Variants in UNKL observed in about 807,000 individuals in gnomAD.
The protein encoded by UNKL is putative E3 ubiquitin-protein ligase UNKL.
UNKL carries 60 observed loss-of-function variants against 78.0 expected under a neutral mutation model. The ratio of observed to expected loss-of-function variants is 0.77; its 90% CI spans 0.63 to 0.95. The LOEUF is 0.95. Ranked by LOEUF, UNKL falls within the 40% of genes least tolerant of loss-of-function variation. UNKL has a pLI of 0.00. For synonymous variants in UNKL, 608 were observed against 474.8 expected (o/e 1.28, Z -3.65); for missense variants, 1,159 against 1,045.7 (o/e 1.11, Z -1.49).
Position 1,414,672 on chromosome 16 carries a change from G to C in UNKL, c.20C>G (p.Ala7Gly). The C allele has an allele frequency of 3.5e-6, 4 of 1,152,288 alleles. No individual in the cohort carries two copies. The highest frequency in any genetic ancestry group is 4.3e-6 in the Non-Finnish European group (4 of 924,066). The allele number at this position is 1,152,288 out of a possible 1,614,324, so 71.4% of individuals were successfully genotyped here. A position where few individuals can be genotyped will look rare whatever the true frequency, so the allele number is the denominator to read the frequency against. The change falls in exon 1 of 15, where the codon GCG becomes GGG. Residue 7 changes from alanine (A) to glycine (G), a missense_variant. Physicochemically the swap from Ala to Gly is moderately conservative, Grantham distance 60. Coordinates refer to ENST00000389221, the MANE Select transcript of UNKL (RefSeq NM_001372107.1). MPSVSK[A>G]AAAALSGSPP... The stretch of plus-strand genomic sequence containing the variant: ...GGACCCGCTCAGCGCCGCTGCCGCC[G>C]CTTTCGAAACCGACGGCATTTTCAG...
rs950213186 is a variant in UNKL at position 1,397,168 on chromosome 16, A to G, written c.852+10T>C. ...GCGACCCCTACGCCTGGGGGGTTGGAGGGACGTACCTCGGGATGGAACTGC... is the reference window on the plus strand; with the variant it reads ...GCGACCCCTACGCCTGGGGGGTTGGGGGGACGTACCTCGGGATGGAACTGC... On this transcript the variant is annotated intron_variant, in intron 6 of 14. Transcript: ENST00000389221. 7.1e-6 allele frequency: 11 copies of G among 1,546,956 alleles called. No homozygotes were observed. The African/African-American group carries it at 1.5e-4, about 21-fold the overall frequency.
chr16:1,368,157 A>C (rs2035464084), intron 12 of UNKL: 1 of 451,696 alleles, frequency 2.2e-6, no homozygotes, highest in Non-Finnish European at 4.0e-6. Flanking sequence ...GGACCACACC[A>C]TGAGGTGGGA....
intron 10 of UNKL, among the ~76,000 whole-genome samples, chr16:1,384,863 C>T (rs1225984837): frequency 1.3e-5 from 2 of 152,142 alleles, no homozygotes. Context: ...CCTCCCACAG[C>T]GCTGGGAGCA....
At chr16:1,404,379 G>A (rs891805222) in intron 2 of UNKL, among the ~76,000 whole-genome samples, 1 of 152,210 alleles carries the variant, frequency 6.6e-6, no homozygotes, top group African/African-American at 2.4e-5. Context: ...GACCAAGAGC[G>A]ATTCAGCAAC....
chr16:1,411,162 G>A (rs1267797642), intron 2 of UNKL, among the ~76,000 whole-genome samples: 1 of 152,094 alleles, frequency 6.6e-6, no homozygotes, highest in Non-Finnish European at 1.5e-5. Flanking sequence ...ACTGAGACCA[G>A]CCTGGACAAT....
intron 10 of UNKL, among the ~76,000 whole-genome samples, chr16:1,382,128 C>T (rs2036626754): frequency 2.0e-5 from 3 of 152,226 alleles, no homozygotes; most frequent in Admixed American, 2.0e-4. Context: ...AAACTGAAAA[C>T]ACATGTGGGC....
chr16:1,388,767 C>T (rs1274093556), intron 9 of UNKL, among the ~76,000 whole-genome samples: 2 of 151,378 alleles, frequency 1.3e-5, no homozygotes, highest in African/African-American at 4.9e-5. Context: ...GCCACACCTC[C>T]GCTACCACCA....
intron 10 of UNKL, among the ~76,000 whole-genome samples, chr16:1,372,076 GAA>G (rs988156617): frequency 2.2e-5 from 3 of 136,152 alleles, no homozygotes; most frequent in Non-Finnish European, 4.7e-5. Flanking sequence ...CTAACACGGT[GAA>G]ACCCCGTCTC....
Position 1,366,182 on chromosome 16 carries a change from G to T in UNKL, c.*58C>A, listed in dbSNP as rs111999344. The T allele has an allele frequency of 8.7e-5, 125 of 1,429,816 alleles. No individual in the cohort carries two copies. The African/African-American group carries it at 1.7e-3, about 19-fold the overall frequency. The allele number at this position is 1,429,816 out of a possible 1,614,324, so 88.6% of individuals were successfully genotyped here. On this transcript the variant is annotated 3_prime_UTR_variant, in exon 15 of 15. Coordinates refer to ENST00000389221, the MANE Select transcript of UNKL (RefSeq NM_001372107.1). ...CAGAAGCGAGTGACGACATGTCCGT[G>T]GTCAGGAGGAGCGCTGGAGCCAGGG...
At chr16:1,413,228 A>G (rs2038122338) in intron 2 of UNKL, among the ~76,000 whole-genome samples, 1 of 121,978 alleles carries the variant, frequency 8.2e-6, no homozygotes, top group East Asian at 2.5e-4. Flanking sequence ...CCAGCGACAG[A>G]GCAAGACCCT....
In UNKL at chr16:1,403,292, G is replaced by C; in HGVS notation, c.340C>G (p.Arg114Gly). 1 of 1,614,202 alleles carries C rather than the reference G, an allele frequency of 6.2e-7. No individual in the cohort carries two copies. Among genetic ancestry groups the C allele is most frequent in the Non-Finnish European group, 8.5e-7 (1 of 1,180,022 alleles). ...ATGCAGGTTCCTGTTTTGTAGTAAC[G>C]CAGGTGGTACTTGCGTTCTGTGTCC... ...TGDTERKYHLRYYKTGTCIHE... is the reference protein window; with the variant it reads ...TGDTERKYHLGYYKTGTCIHE... The change falls in exon 3 of 15, where the codon CGT (arginine) becomes GGT (glycine). Residue 114 changes from arginine to glycine, a missense_variant. Transcript: ENST00000389221. The surrounding 1 kb of genome is among the most constrained non-coding windows in gnomAD (Gnocchi z 4.8).
At chr16:1,385,555 C>T (rs2036780086) in intron 9 of UNKL, 170 bp from the exon 10 acceptor site, 11 of 578,568 alleles carry the variant, frequency 1.9e-5, no homozygotes, top group Non-Finnish European at 2.3e-5. Context: ...CGAGGAGAAA[C>T]ACCAGGACGG....
At chr16:1,397,153 C>G (rs372559366) in intron 6 of UNKL, 25 bp downstream of exon 6, 1 of 1,544,094 alleles carries the variant, frequency 6.5e-7, no homozygotes, top group Non-Finnish European at 8.7e-7. Context: ...GCGACCCCTA[C>G]GCCTGGGGGG....
In UNKL at chr16:1,414,627, G is replaced by C; in HGVS notation, c.65C>G (p.Pro22Arg). The change falls in exon 1 of 15, where the codon CCG becomes CGG. Residue 22 changes from proline to arginine, a missense_variant. Pro to Arg is a moderately radical substitution (Grantham distance 103). Coordinates refer to ENST00000389221, the MANE Select transcript of UNKL (RefSeq NM_001372107.1). ...LSGSPPQTEK[P>R]THYRYLKEFR... ...GACGGGCGCTGACCTGTAGTGGGTC[G>C]GCTTCTCAGTCTGCGGGGGGGACCC... 2 of 1,110,298 alleles carry C rather than the reference G, an allele frequency of 1.8e-6. No individual in the cohort carries two copies. The highest frequency in any genetic ancestry group is 1.7e-5 in the African/African-American group (1 of 58,762). The allele number at this position is 1,110,298 out of a possible 1,614,324, so 68.8% of individuals were successfully genotyped here.
At chr16:1,391,260 ACACACACACAC>A (rs768854011) in intron 8 of UNKL, among the ~76,000 whole-genome samples, 1 of 150,080 alleles carries the variant, frequency 6.7e-6, no homozygotes, top group East Asian at 2.0e-4. Flanking sequence ...ACACACACAC[ACACACACACAC>A]ACACACACAC....
At chr16:1,391,167 A>T (rs934451302) in intron 8 of UNKL, among the ~76,000 whole-genome samples, 68 of 28,984 alleles carry the variant, frequency 2.3e-3, no homozygotes, top group Admixed American at 7.1e-3. Flanking sequence ...AAATACACAC[A>T]CACACACACA....
At position 1,370,259 on chromosome 16, in the gene UNKL, G is replaced by C. The variant is rs1008470491; in HGVS notation, c.1456C>G (p.Leu486Val). The C allele has an allele frequency of 3.8e-5, 59 of 1,534,510 alleles. No individual in the cohort carries two copies. The highest frequency in any genetic ancestry group is 5.0e-5 in the Non-Finnish European group (57 of 1,143,940). ...HSPSSASTSP[L>V]GSLSQPLPGP... is the part of the protein sequence containing the mutation. Reference sequence around the variant, plus strand: ...GGGAGGGGCTGGGACAGCGAACCGAGCGGCGAGGTGGACGCAGAGGATGGC... The same window carrying C: ...GGGAGGGGCTGGGACAGCGAACCGACCGGCGAGGTGGACGCAGAGGATGGC... Residue 486 changes from leucine to valine, a missense_variant, in exon 12 of 15, where the codon CTC (leucine) becomes GTC (valine). By Grantham distance (32) the Leu-to-Val change is conservative (BLOSUM62 1). Transcript: ENST00000389221.
At chr16:1,405,624 T>C (rs2037721609) in intron 2 of UNKL, among the ~76,000 whole-genome samples, 1 of 151,174 alleles carries the variant, frequency 6.6e-6, no homozygotes, top group African/African-American at 2.4e-5. Context: ...TGCCTTACTC[T>C]TACGGACACC....
chr16:1,412,408 C>G (rs544160474), intron 2 of UNKL, among the ~76,000 whole-genome samples: 3 of 151,556 alleles, frequency 2.0e-5, no homozygotes, highest in African/African-American at 7.3e-5. Flanking sequence ...GTCAGGAGTT[C>G]GAGACCAGCC....
Sources: allele counts gnomAD v4.1 joint callset (sites outside exome capture counted in the v4.1 genomes callset), GRCh38; gene constraint gnomAD v4.1.1; non-coding constraint Gnocchi (gnomAD v3.1); transcripts MANE v1.5; gene names NCBI Gene and HGNC (gene_info 2026-07-23, HGNC 2026-07-21).